UBE2R2: variants seen among roughly 807,000 people sequenced by gnomAD.
The protein encoded by UBE2R2 is ubiquitin conjugating enzyme E2 R2.
A neutral mutation model predicts 27.8 loss-of-function variants in UBE2R2; 1 was observed. The ratio of observed to expected loss-of-function variants is 0.04; its 90% CI spans 0.01 to 0.17. The LOEUF (loss-of-function observed/expected upper bound fraction) is 0.17. Ranked by LOEUF, UBE2R2 falls within the 10% of genes least tolerant of loss-of-function variation. The pLI is 1.00. For synonymous variants in UBE2R2, 106 were observed against 113.3 expected (o/e 0.94, Z 0.41); for missense variants, 100 against 291.0 (o/e 0.34, Z 4.78).
chr9:33,910,179 C>T (rs904853473), intron 3 of UBE2R2, among the ~76,000 whole-genome samples: 2 of 152,120 alleles, frequency 1.3e-5, no homozygotes, highest in East Asian at 1.9e-4. Context: ...GAGTCTTGCT[C>T]TGTTGCCCAT....
At chr9:33,882,196 G>A (rs1336616923) in intron 1 of UBE2R2, among the ~76,000 whole-genome samples, 1 of 152,096 alleles carries the variant, frequency 6.6e-6, no homozygotes, top group Non-Finnish European at 1.5e-5. Flanking sequence ...AGATGCTCTA[G>A]GCTTGTCTTT....
At chr9:33,907,141 G>C (rs1016646952) in intron 3 of UBE2R2, among the ~76,000 whole-genome samples, 1 of 152,040 alleles carries the variant, frequency 6.6e-6, no homozygotes, top group Non-Finnish European at 1.5e-5. Context: ...TTTCTTTGAG[G>C]GTTTTTATTG....
intron 1 of UBE2R2, 46 bp from the exon 2 acceptor site, chr9:33,886,834 AT>A: frequency 6.8e-7 from 1 of 1,471,704 alleles, no homozygotes; most frequent in South Asian, 1.2e-5. Flanking sequence ...AGGCAGATGA[AT>A]AAGTTATAGT....
intron 1 of UBE2R2, among the ~76,000 whole-genome samples, chr9:33,879,750 C>CTTTT (rs66929161): frequency 3.0e-5 from 2 of 67,382 alleles, no homozygotes; most frequent in Non-Finnish European, 5.9e-5. Flanking sequence ...GGTCACAAGA[C>CTTTT]TTTTTTTTTT....
intron 1 of UBE2R2, among the ~76,000 whole-genome samples, chr9:33,868,275 G>A (rs1821407513): frequency 6.6e-6 from 1 of 152,026 alleles, no homozygotes; most frequent in South Asian, 2.1e-4. Context: ...ATAGGGGCGG[G>A]GCAGGCCAAA....
chr9:33,909,607 G>A (rs1207025152), intron 3 of UBE2R2, among the ~76,000 whole-genome samples: 1 of 152,204 alleles, frequency 6.6e-6, no homozygotes, highest in African/African-American at 2.4e-5. Flanking sequence ...CAGGAGTAGA[G>A]ACGGGGTTTC....
intron 1 of UBE2R2, among the ~76,000 whole-genome samples, chr9:33,836,767 A>AG (rs200443376): frequency 6.9e-6 from 1 of 145,574 alleles, no homozygotes; most frequent in East Asian, 2.0e-4. Flanking sequence ...CAAAAAAAAA[A>AG]AATATATATA....
intron 2 of UBE2R2, among the ~76,000 whole-genome samples, chr9:33,888,759 C>T (rs1452105647): frequency 1.3e-5 from 2 of 152,216 alleles, no homozygotes; most frequent in East Asian, 3.9e-4. Flanking sequence ...CCAAGTAATC[C>T]ACCTGCCTTG....
Position 33,917,703 on chromosome 9 carries a change from A to T in UBE2R2, c.*466A>T, listed in dbSNP as rs11542250. 8 of 144,694 alleles carry T rather than the reference A, an allele frequency of 5.5e-5. No individual in the cohort carries two copies. Among genetic ancestry groups the T allele is most frequent in the East Asian group, 1.8e-4 (1 of 5,412 alleles). The allele number at this position is 144,694 out of a possible 1,614,324, so 9.0% of individuals were successfully genotyped here. ...GAAAAAAACCCACAAAACAAACTTT[A>T]AAAAAAAAAAAAAACAAATTTGCCA... On this transcript the variant is annotated 3_prime_UTR_variant, in exon 5 of 5. Transcript: ENST00000263228.
At chr9:33,903,425 T>C (rs1239231177) in intron 3 of UBE2R2, among the ~76,000 whole-genome samples, 1 of 152,136 alleles carries the variant, frequency 6.6e-6, no homozygotes, top group Non-Finnish European at 1.5e-5. Context: ...CTCTCCCTAT[T>C]TGAGAAAATA....
chr9:33,917,074 C>A lies in UBE2R2; in HGVS notation c.554C>A (p.Thr185Lys), dbSNP rs760157116. Residue 185 changes from threonine to lysine, a missense_variant, in exon 5 of 5, where the codon ACA becomes AAA. By Grantham distance (78) the Thr-to-Lys change is moderately conservative. Transcript: ENST00000263228. The part of the protein sequence containing the change: ...EAEKDGVKVP[T>K]TLAEYCIKTK... The stretch of plus-strand genomic sequence containing the variant: ...GAAAAGGATGGAGTGAAGGTCCCCA[C>A]AACCCTGGCGGAATACTGCATCAAA... The A allele has an allele frequency of 2.5e-6, 4 of 1,614,246 alleles. No individual in the cohort carries two copies. The highest frequency in any genetic ancestry group is 3.4e-6 in the Non-Finnish European group (4 of 1,180,046).
intron 1 of UBE2R2, among the ~76,000 whole-genome samples, chr9:33,833,332 T>A (rs1030059112): frequency 2.0e-5 from 3 of 152,346 alleles, no homozygotes; most frequent in Middle Eastern, 3.4e-3. Flanking sequence ...CCCAAAGTGC[T>A]GGCATTACAG....
At chr9:33,868,272 C>T (rs773112061) in intron 1 of UBE2R2, among the ~76,000 whole-genome samples, 1 of 151,946 alleles carries the variant, frequency 6.6e-6, no homozygotes, top group African/African-American at 2.4e-5. Flanking sequence ...AGGATAGGGG[C>T]GGGGCAGGCC....
At chr9:33,821,358 A>C (rs961369518) in intron 1 of UBE2R2, among the ~76,000 whole-genome samples, 2 of 151,700 alleles carry the variant, frequency 1.3e-5, no homozygotes, top group African/African-American at 4.8e-5. Flanking sequence ...GGGTCTCACT[A>C]TTTTGTCCAG....
intron 2 of UBE2R2, among the ~76,000 whole-genome samples, chr9:33,896,944 GT>G (rs1822119430): frequency 1.0e-5 from 1 of 98,694 alleles, no homozygotes; most frequent in African/African-American, 4.5e-5. Context: ...AGAAGGTTGT[GT>G]TTTTTGTGTT....
intron 1 of UBE2R2, among the ~76,000 whole-genome samples, chr9:33,838,589 C>T (rs1820665631): frequency 6.6e-6 from 1 of 151,970 alleles, no homozygotes; most frequent in South Asian, 2.1e-4. Context: ...CGCCTGTGAT[C>T]CCAGAACTTC....
chr9:33,864,829 A>G (rs1037994163), intron 1 of UBE2R2, among the ~76,000 whole-genome samples: 33 of 151,204 alleles, frequency 2.2e-4, no homozygotes, highest in African/African-American at 7.1e-4. Context: ...GGTTCAAGCA[A>G]TTCTCCCGCC....
intron 1 of UBE2R2, among the ~76,000 whole-genome samples, chr9:33,844,600 A>T (rs1360733240): frequency 8.8e-6 from 1 of 113,862 alleles, no homozygotes; most frequent in East Asian, 2.6e-4. Flanking sequence ...ATTAGTGTTT[A>T]TTCAAGTTTG....
intron 3 of UBE2R2, 109 bp downstream of exon 3, chr9:33,900,380 A>C (rs1426793868): frequency 2.7e-6 from 2 of 743,656 alleles, no homozygotes; most frequent in African/African-American, 3.6e-5. Context: ...CATCTTTCTT[A>C]TATTCAGTTT....
Sources: gnomAD v4.1 joint callset for allele counts (sites outside exome capture counted in the v4.1 genomes callset) on GRCh38, gnomAD v4.1.1 for gene constraint, MANE v1.5 for transcripts, NCBI Gene and HGNC (gene_info 2026-07-23, HGNC 2026-07-21) for gene names.